The following CFAP97D2 variants were observed in gnomAD, a reference collection of about 807,000 sequenced individuals.
The protein encoded by CFAP97D2 is uncharacterized protein CFAP97D2.
At chr13:114,183,688 A>C (rs1199682163) in intron 1 of CFAP97D2, among the ~76,000 whole-genome samples, 1 of 151,992 alleles carries the variant, frequency 6.6e-6, no homozygotes, top group East Asian at 1.9e-4. Context: ...AGCTCTCTAA[A>C]GCCTCTTTTA....
At chr13:114,194,593 TC>T (rs969057694) in intron 1 of CFAP97D2, among the ~76,000 whole-genome samples, 15 of 151,580 alleles carry the variant, frequency 9.9e-5, no homozygotes, top group Non-Finnish European at 1.5e-4. Context: ...GGCACTCATT[TC>T]CCCCCCAAGA....
intron 2 of CFAP97D2, among the ~76,000 whole-genome samples, chr13:114,197,570 T>C (rs1442044385): frequency 1.3e-5 from 2 of 152,200 alleles, no homozygotes; most frequent in East Asian, 1.9e-4. Context: ...CCATCATGTC[T>C]TGGGGGGAAG....
intron 1 of CFAP97D2, among the ~76,000 whole-genome samples, chr13:114,196,076 CAA>C (rs57315285): frequency 0.14 from 14,243 of 100,482 alleles, 656 homozygotes; most frequent in Middle Eastern, 0.23. Context: ...GAGCGAGACT[CAA>C]AAAAAAAAAA....
Position 114,185,929 on chromosome 13 carries a change from C to A in CFAP97D2, c.90+6509C>A, listed in dbSNP as rs2080852453. 6.6e-6 allele frequency among the ~76,000 whole-genome samples: 1 copy of A among 152,194 alleles called. No homozygotes were observed. Among genetic ancestry groups the A allele is most frequent in the Non-Finnish European group, 1.5e-5 (1 of 68,024 alleles). ...AAGGGGTCAGGTTCCTGGTGAAGCC[C>A]CACCTTCAAGCTGGGGAGGGCCTGA... is the stretch of plus-strand genomic sequence containing the variant. On this transcript the variant is annotated intron_variant, in intron 1 of 4. Transcript: ENST00000646158. The surrounding 1 kb of genome is among the most constrained non-coding windows in gnomAD (Gnocchi z 5.2).
At chr13:114,210,152 A>T (rs1202063484) in intron 3 of CFAP97D2, among the ~76,000 whole-genome samples, 1 of 152,190 alleles carries the variant, frequency 6.6e-6, no homozygotes, top group Non-Finnish European at 1.5e-5. Flanking sequence ...ACATATATGT[A>T]TTAAGTATAA....
intron 3 of CFAP97D2, among the ~76,000 whole-genome samples, chr13:114,210,294 G>C (rs1050623052): frequency 6.6e-6 from 1 of 152,064 alleles, no homozygotes; most frequent in African/African-American, 2.4e-5. Flanking sequence ...AATTAATTCA[G>C]AATTTTCACT....
chr13:114,216,908 C>A (rs2080996207), intron 4 of CFAP97D2, among the ~76,000 whole-genome samples: 1 of 152,228 alleles, frequency 6.6e-6, no homozygotes, highest in South Asian at 2.1e-4. Context: ...GTCCCACCAA[C>A]AGTGTAAAAG....
chr13:114,182,256 C>G (rs555974061), intron 1 of CFAP97D2, among the ~76,000 whole-genome samples: 11 of 144,116 alleles, frequency 7.6e-5, no homozygotes, highest in South Asian at 2.3e-4. Context: ...TTATGTTTCT[C>G]TCCGCCCAAA....
At chr13:114,220,911 C>T (rs2081018456) in intron 4 of CFAP97D2, among the ~76,000 whole-genome samples, 1 of 152,218 alleles carries the variant, frequency 6.6e-6, no homozygotes, top group Non-Finnish European at 1.5e-5. Flanking sequence ...CTGGACCTCA[C>T]GTCAGGGTTA....
intron 3 of CFAP97D2, among the ~76,000 whole-genome samples, chr13:114,209,678 G>C (rs1423867315): frequency 6.6e-6 from 1 of 152,140 alleles, no homozygotes; most frequent in Non-Finnish European, 1.5e-5. Context: ...GGGCACCACA[G>C]TTGTCATCCA....
intron 3 of CFAP97D2, among the ~76,000 whole-genome samples, chr13:114,200,668 CAGTT>C (rs748715602): frequency 4.6e-5 from 7 of 152,190 alleles, no homozygotes; most frequent in Non-Finnish European, 8.8e-5. Context: ...AACTAAATCA[CAGTT>C]AGCGGCTGTG....
At chr13:114,202,020 C>T (rs542770996) in intron 3 of CFAP97D2, among the ~76,000 whole-genome samples, 40 of 152,348 alleles carry the variant, frequency 2.6e-4, no homozygotes, top group African/African-American at 8.9e-4. Context: ...CTGAGCCTTT[C>T]GGTCCCCCTA....
chr13:114,192,179 T>A (rs2080872111), intron 1 of CFAP97D2, among the ~76,000 whole-genome samples: 1 of 152,190 alleles, frequency 6.6e-6, no homozygotes, highest in Non-Finnish European at 1.5e-5. Context: ...GTGTCCAGAC[T>A]CATAGAATAT....
intron 4 of CFAP97D2, among the ~76,000 whole-genome samples, chr13:114,220,898 C>G (rs929045355): frequency 1.3e-5 from 2 of 152,264 alleles, no homozygotes; most frequent in African/African-American, 2.4e-5. Flanking sequence ...CAGGAACCAC[C>G]TCCTGGACCT....
rs748699679 is a variant in CFAP97D2, at chr13:114,182,178, C to T, written c.90+2758C>T. ...GGAGAAGGTCAGCAAAAAACGTGAG[C>T]AAAAGAGTCTATGTCGTAATTAAGT... On this transcript the variant is annotated intron_variant, in intron 1 of 4. Coordinates refer to ENST00000646158, the Ensembl canonical transcript of CFAP97D2. 1.6e-3 allele frequency among the ~76,000 whole-genome samples: 225 copies of T among 139,862 alleles called. 27 individuals carry two copies. The highest frequency in any genetic ancestry group is 3.9e-4 in the Non-Finnish European group (25 of 64,152). 91.8% of individuals were successfully genotyped at this position (139,862 alleles called of 152,430 possible).
chr13:114,217,257 G>A (rs529998510), intron 4 of CFAP97D2, among the ~76,000 whole-genome samples: 59 of 152,274 alleles, frequency 3.9e-4, no homozygotes, highest in African/African-American at 1.3e-3. Context: ...ACACCTCTAC[G>A]CAAATAAACT....
chr13:114,207,241 TCAAA>T lies in CFAP97D2; in HGVS notation c.291-4667_291-4664del, dbSNP rs1372849400. Among the ~76,000 whole-genome samples, 3 of 152,200 alleles carry T rather than the reference TCAAA, an allele frequency of 2.0e-5. No individual in the cohort carries two copies. Among genetic ancestry groups the T allele is most frequent in the Non-Finnish European group, 4.4e-5 (3 of 68,040 alleles). ...AAACCAGAAAGTATCTAGACAGGTC[TCAAA>T]CAATCTAGGGGTTTATTTGCCACCA... On this transcript the variant is annotated intron_variant, in intron 3 of 4. Coordinates refer to ENST00000646158, the Ensembl canonical transcript of CFAP97D2. The surrounding 1 kb of genome is among the most constrained non-coding windows in gnomAD (Gnocchi z 4.9).
intron 4 of CFAP97D2, among the ~76,000 whole-genome samples, chr13:114,221,134 C>T (rs9525309): frequency 0.16 from 25,078 of 152,222 alleles, 2,377 homozygotes; most frequent in Non-Finnish European, 0.2. Flanking sequence ...GTAGTCCCAG[C>T]TACTCAGGAG....
At chr13:114,210,855 TACACACAC>T (rs34230424) in intron 3 of CFAP97D2, among the ~76,000 whole-genome samples, 36 of 144,968 alleles carry the variant, frequency 2.5e-4, no homozygotes, top group African/African-American at 8.4e-4. Context: ...ATTTCATTGA[TACACACAC>T]ACACACACAC....
Sources: allele counts gnomAD v4.1 joint callset (sites outside exome capture counted in the v4.1 genomes callset), GRCh38; gene constraint gnomAD v4.1.1; non-coding constraint Gnocchi (gnomAD v3.1); transcripts MANE v1.5; gene names NCBI Gene and HGNC (gene_info 2026-07-23, HGNC 2026-07-21).